The following PRKCQ variants were observed in gnomAD, a reference collection of about 807,000 sequenced individuals.
PRKCQ encodes the protein protein kinase C theta type.
PRKCQ carries 41 observed loss-of-function variants against 91.2 expected under a neutral mutation model. The ratio of observed to expected loss-of-function variants is 0.45; its 90% CI spans 0.35 to 0.58. PRKCQ has a LOEUF of 0.58. PRKCQ is among the 20% of genes least tolerant of loss of function. The pLI, the probability that PRKCQ is intolerant of heterozygous loss-of-function variation, is 0.00. For missense variants in PRKCQ, 673 were observed against 896.5 expected (o/e 0.75, Z 3.18); for synonymous variants, 307 against 316.9 (o/e 0.97, Z 0.33).
intron 1 of PRKCQ, among the ~76,000 whole-genome samples, chr10:6,549,724 A>G (rs553931206): frequency 4.8e-4 from 69 of 142,282 alleles, no homozygotes; most frequent in African/African-American, 1.7e-3. Flanking sequence ...TCCACCTCCC[A>G]GGCTCAAGAA....
At chr10:6,483,397 T>C (rs1238674845) in intron 11 of PRKCQ, 43 bp downstream of exon 11, 1 of 1,611,960 alleles carries the variant, frequency 6.2e-7, no homozygotes, top group South Asian at 1.1e-5. Flanking sequence ...GGCTCATCAG[T>C]TCCTGGAGTT....
intron 11 of PRKCQ, 65 bp from the exon 12 acceptor site, chr10:6,479,230 C>G: frequency 3.2e-6 from 5 of 1,571,290 alleles, no homozygotes; most frequent in Non-Finnish European, 4.4e-6. Flanking sequence ...AAAAAAGAGA[C>G]AGAGTCCTGA....
chr10:6,466,017 C>T (rs1400731052), intron 12 of PRKCQ, among the ~76,000 whole-genome samples: 1 of 152,238 alleles, frequency 6.6e-6, no homozygotes, highest in Admixed American at 6.5e-5. Flanking sequence ...ACAGAAAGAG[C>T]TTCTGTTCTA....
intron 1 of PRKCQ, among the ~76,000 whole-genome samples, chr10:6,566,679 G>A (rs1840847722): frequency 6.6e-6 from 1 of 151,938 alleles, no homozygotes; most frequent in African/African-American, 2.4e-5. Flanking sequence ...GTGTGCCAGC[G>A]ACCACCTGTC....
intron 1 of PRKCQ, among the ~76,000 whole-genome samples, chr10:6,535,669 C>T (rs1371347576): frequency 6.6e-6 from 1 of 152,162 alleles, no homozygotes; most frequent in African/African-American, 2.4e-5. Context: ...AGGCCACCTC[C>T]TGCACTGAGC....
At chr10:6,431,279 C>T (rs556216106) in intron 16 of PRKCQ, among the ~76,000 whole-genome samples, 42 of 152,308 alleles carry the variant, frequency 2.8e-4, no homozygotes, top group African/African-American at 8.9e-4. Context: ...GCTGATGTGA[C>T]GATTTATAAG....
intron 1 of PRKCQ, among the ~76,000 whole-genome samples, chr10:6,546,492 A>G (rs2130925859): frequency 6.6e-6 from 1 of 152,318 alleles, no homozygotes; most frequent in South Asian, 2.1e-4. Context: ...ACTCTCTTTG[A>G]AGCAATTGTG....
intron 12 of PRKCQ, among the ~76,000 whole-genome samples, chr10:6,478,028 A>G (rs1836364514): frequency 6.6e-6 from 1 of 152,216 alleles, no homozygotes; most frequent in Non-Finnish European, 1.5e-5. Context: ...GAGGAGACAA[A>G]CCAGTAAGAA....
At chr10:6,470,543 A>G (rs1271368835) in intron 12 of PRKCQ, among the ~76,000 whole-genome samples, 3 of 152,202 alleles carry the variant, frequency 2.0e-5, no homozygotes, top group Non-Finnish European at 4.4e-5. Context: ...AAACTGCTCT[A>G]TGCTATTTAT....
At chr10:6,547,062 T>C (rs1285922497) in intron 1 of PRKCQ, among the ~76,000 whole-genome samples, 4 of 152,152 alleles carry the variant, frequency 2.6e-5, no homozygotes, top group African/African-American at 9.7e-5. Context: ...TGAACCAGCC[T>C]TGCATCCCAG....
intron 16 of PRKCQ, among the ~76,000 whole-genome samples, chr10:6,440,964 G>C (rs905990704): frequency 2.0e-5 from 3 of 152,250 alleles, no homozygotes; most frequent in Middle Eastern, 3.4e-3. Flanking sequence ...CTGCAGCCTG[G>C]GTGAGGGAGT....
chr10:6,497,552 G>A lies in PRKCQ; in HGVS notation c.543-301C>T, dbSNP rs1198910212. 6.6e-6 allele frequency among the ~76,000 whole-genome samples: 1 copy of A among 152,196 alleles called. No individual in the cohort carries two copies. Among genetic ancestry groups the A allele is most frequent in the Non-Finnish European group, 1.5e-5 (1 of 68,032 alleles). Reference sequence around the variant, plus strand: ...ATGCATCACAGACTCTTCGTAGCACGTTTCCCTGTGCTAGATTTAAAAATT... The same window carrying A: ...ATGCATCACAGACTCTTCGTAGCACATTTCCCTGTGCTAGATTTAAAAATT... On this transcript the variant is annotated intron_variant, in intron 5 of 17. Transcript: ENST00000263125. The surrounding 1 kb of genome is among the most constrained non-coding windows in gnomAD (Gnocchi z 4.5).
chr10:6,436,951 T>C (rs1403725492), intron 16 of PRKCQ, among the ~76,000 whole-genome samples: 1 of 152,168 alleles, frequency 6.6e-6, no homozygotes, highest in East Asian at 1.9e-4. Context: ...TAGGCTGGGT[T>C]TGTGAAGCAC....
chr10:6,407,705 G>A, the PRKCQ span, among the ~76,000 whole-genome samples: 1 of 152,044 alleles, frequency 6.6e-6, no homozygotes, highest in Non-Finnish European at 1.5e-5. This position sits in a 1 kb window ranked among gnomAD's most constrained non-coding sequence, Gnocchi z 4.0. Context: ...CATGGTGTGT[G>A]TGGTGTGTGT....
intron 15 of PRKCQ, among the ~76,000 whole-genome samples, chr10:6,454,742 G>A (rs1834917460): frequency 6.6e-6 from 1 of 152,088 alleles, no homozygotes; most frequent in Non-Finnish European, 1.5e-5. Context: ...TCTGCAGCAG[G>A]AAGAAGTGCA....
chr10:6,399,031 G>A, the PRKCQ span, among the ~76,000 whole-genome samples: 1 of 152,218 alleles, frequency 6.6e-6, no homozygotes, highest in Non-Finnish European at 1.5e-5. Context: ...AAAGTGCTGA[G>A]ATTACAGGCA....
chr10:6,417,912 C>T, the PRKCQ span, among the ~76,000 whole-genome samples: 125,877 of 152,112 alleles, frequency 0.83, 54,079 homozygotes, highest in Non-Finnish European at 0.93. Context: ...ACTTCCACCA[C>T]CTCCCAGAGG....
intron 4 of PRKCQ, among the ~76,000 whole-genome samples, chr10:6,504,865 T>C (rs1357434280): frequency 6.6e-6 from 1 of 151,884 alleles, no homozygotes; most frequent in Non-Finnish European, 1.5e-5. Context: ...TGGATCTAGA[T>C]ATAAAAAGTT....
chr10:6,545,107 A>G (rs1456549209), intron 1 of PRKCQ, among the ~76,000 whole-genome samples: 1 of 152,146 alleles, frequency 6.6e-6, no homozygotes, highest in African/African-American at 2.4e-5. Flanking sequence ...AGATTATCCA[A>G]TTCAGTTAAA....
Sources: allele counts gnomAD v4.1 joint callset (sites outside exome capture counted in the v4.1 genomes callset), GRCh38; gene constraint gnomAD v4.1.1; non-coding constraint Gnocchi (gnomAD v3.1); transcripts MANE v1.5; gene names NCBI Gene and HGNC (gene_info 2026-07-23, HGNC 2026-07-21).